PRIM2: variants seen among roughly 807,000 people sequenced by gnomAD.
The protein encoded by PRIM2 is DNA primase subunit 2.
Under a neutral mutation model 67.3 loss-of-function variants are expected in PRIM2, and 39 were observed. The ratio of observed to expected loss-of-function variants is 0.58; its 90% CI spans 0.45 to 0.76. The LOEUF (loss-of-function observed/expected upper bound fraction) is 0.76, where lower values mean the gene tolerates loss of function less well. Among genes scored for constraint, PRIM2 ranks in the 30% least tolerant of loss-of-function variants. The pLI is 0.00. For synonymous variants in PRIM2, 143 were observed against 198.7 expected, an observed-to-expected ratio of 0.72 and a Z score of 2.36; for missense variants, 398 against 598.7, an observed-to-expected ratio of 0.66 and a Z score of 3.50.
intron 5 of PRIM2, among the ~76,000 whole-genome samples, chr6:57,352,225 T>C (rs1019391512): frequency 6.6e-6 from 1 of 152,222 alleles, no homozygotes; most frequent in African/African-American, 2.4e-5. Context: ...TGAGTATTTT[T>C]ATTTAAAAGT....
At chr6:57,577,478 G>A (rs1775985333) in intron 10 of PRIM2, among the ~76,000 whole-genome samples, 1 of 141,020 alleles carries the variant, frequency 7.1e-6, no homozygotes, top group South Asian at 2.2e-4. Context: ...CGCCCAGGCT[G>A]GAGTGCAGTG....
the PRIM2 span, among the ~76,000 whole-genome samples, chr6:57,293,876 T>G: frequency 6.6e-6 from 1 of 151,966 alleles, no homozygotes; most frequent in African/African-American, 2.4e-5. Flanking sequence ...AATGACAAGC[T>G]GATGGGTGCA....
intron 5 of PRIM2, among the ~76,000 whole-genome samples, chr6:57,333,688 G>C (rs9475844): frequency 0.13 from 19,550 of 151,618 alleles, 1,402 homozygotes; most frequent in African/African-American, 0.18. Flanking sequence ...CAATCTTTGT[G>C]TTTTTATTTT....
chr6:57,401,909 C>T (rs1770720971), intron 7 of PRIM2, among the ~76,000 whole-genome samples: 1 of 152,128 alleles, frequency 6.6e-6, no homozygotes. Context: ...GTCTTTGCTC[C>T]TTCATTAGTC....
intron 12 of PRIM2, among the ~76,000 whole-genome samples, chr6:57,612,995 T>C (rs1776693743): frequency 5.9e-5 from 9 of 152,066 alleles, no homozygotes; most frequent in Non-Finnish European, 1.3e-4. Flanking sequence ...GAGGTCTTGC[T>C]GTGTTGCCTA....
At chr6:57,297,132 T>C in the PRIM2 span, among the ~76,000 whole-genome samples, 1 of 152,032 alleles carries the variant, frequency 6.6e-6, no homozygotes, top group Non-Finnish European at 1.5e-5. Flanking sequence ...AATTCACAAA[T>C]AGAGAAGAAG....
chr6:57,582,823 C>T (rs1354743138), intron 10 of PRIM2, among the ~76,000 whole-genome samples: 1 of 150,578 alleles, frequency 6.6e-6, no homozygotes, highest in African/African-American at 2.4e-5. Context: ...TTTTAGGGTA[C>T]ATGTGCACAA....
chr6:57,238,340 G>T, the PRIM2 span, among the ~76,000 whole-genome samples: 4 of 152,092 alleles, frequency 2.6e-5, no homozygotes, highest in African/African-American at 9.6e-5. Context: ...AAATGTAAAA[G>T]AACAGAAATT....
rs965900693 is a variant in PRIM2 at position 57,447,457 on chromosome 6, T to A, written c.694-59930T>A. ...AAGCTAAGAGATGGGTATTAAGCTATTCCTGAAGACGAGCCAAATATGGGT... is the reference window on the plus strand; with the variant it reads ...AAGCTAAGAGATGGGTATTAAGCTAATCCTGAAGACGAGCCAAATATGGGT... On this transcript the variant is annotated intron_variant, in intron 7 of 13. Coordinates refer to ENST00000615550, the MANE Select transcript of PRIM2 (RefSeq NM_000947.5). Among the ~76,000 whole-genome samples the A allele has an allele frequency of 5.6e-4, 86 of 152,320 alleles. 1 individual carries two copies. Among genetic ancestry groups the A allele is most frequent in the African/African-American group, 2.0e-3 (82 of 41,578 alleles).
intron 7 of PRIM2, among the ~76,000 whole-genome samples, chr6:57,399,670 GT>G (rs1770640384): frequency 7.1e-6 from 1 of 141,490 alleles, no homozygotes; most frequent in Admixed American, 6.9e-5. Flanking sequence ...GTGTAAAATT[GT>G]TCTTATTTCT....
At chr6:57,469,647 A>G (rs1385281614) in intron 7 of PRIM2, among the ~76,000 whole-genome samples, 1 of 152,206 alleles carries the variant, frequency 6.6e-6, no homozygotes, top group Non-Finnish European at 1.5e-5. Context: ...AATGAGAGTC[A>G]AGGTCTTATG....
intron 10 of PRIM2, among the ~76,000 whole-genome samples, chr6:57,563,010 T>A (rs1267288434): frequency 6.6e-6 from 1 of 152,108 alleles, no homozygotes; most frequent in Non-Finnish European, 1.5e-5. Context: ...TTGGGCCAAT[T>A]TTTTTCAAAA....
At chr6:57,222,493 T>A in the PRIM2 span, among the ~76,000 whole-genome samples, 1 of 152,216 alleles carries the variant, frequency 6.6e-6, no homozygotes, top group Non-Finnish European at 1.5e-5. Flanking sequence ...AATCGGCCAA[T>A]GACGGTCCGC....
intron 12 of PRIM2, among the ~76,000 whole-genome samples, chr6:57,629,318 T>C (rs1238565461): frequency 2.6e-5 from 4 of 152,178 alleles, no homozygotes; most frequent in Admixed American, 2.6e-4. Context: ...ACAGAAAATA[T>C]CTGTTTGTTA....
chr6:57,370,418 G>T (rs1769505553), intron 5 of PRIM2, among the ~76,000 whole-genome samples: 1 of 152,164 alleles, frequency 6.6e-6, no homozygotes, highest in African/African-American at 2.4e-5. Flanking sequence ...TAATAGTAAA[G>T]TTTCTGACAG....
intron 7 of PRIM2, among the ~76,000 whole-genome samples, chr6:57,457,206 G>A (rs1217967879): frequency 6.6e-6 from 1 of 152,340 alleles, no homozygotes; most frequent in African/African-American, 2.4e-5. Context: ...CTACTGGGAG[G>A]TGCCTCCCAG....
At position 57,522,862 on chromosome 6, in the gene PRIM2, C is replaced by A. The variant is rs1196979656; in HGVS notation, c.762-9549C>A. On this transcript the variant is annotated intron_variant, in intron 8 of 13. Transcript: ENST00000615550. ...TTATAAAAATGGATTTCATTTAAAT[C>A]TCTACTGTTTAAGTTGAATATTTGT... Among the ~76,000 whole-genome samples the A allele has an allele frequency of 2.0e-4, 31 of 152,162 alleles. 1 individual carries two copies. Among genetic ancestry groups the A allele is most frequent in the African/African-American group, 7.0e-4 (29 of 41,442 alleles).
At chr6:57,395,687 T>G (rs1445741869) in intron 7 of PRIM2, among the ~76,000 whole-genome samples, 3 of 152,154 alleles carry the variant, frequency 2.0e-5, no homozygotes, top group Non-Finnish European at 4.4e-5. Flanking sequence ...TCTTGGTTAT[T>G]TCCTTTCTTC....
chr6:57,439,291 CCTTT>C (rs1158594636), intron 7 of PRIM2, among the ~76,000 whole-genome samples: 1 of 151,008 alleles, frequency 6.6e-6, no homozygotes, highest in African/African-American at 2.4e-5. Flanking sequence ...CCTTGGAAAA[CCTTT>C]CTGTTTCTGA....
Sources: allele counts gnomAD v4.1 joint callset (sites outside exome capture counted in the v4.1 genomes callset), GRCh38; gene constraint gnomAD v4.1.1; transcripts MANE v1.5; gene names NCBI Gene and HGNC (gene_info 2026-07-23, HGNC 2026-07-21).